KIAA1671: variants seen among roughly 807,000 people sequenced by gnomAD.
KIAA1671 encodes the protein uncharacterized protein KIAA1671.
KIAA1671 carries 52 observed loss-of-function variants against 131.2 expected under a neutral mutation model. The ratio of observed to expected loss-of-function variants is 0.40; its 90% confidence interval spans 0.32 to 0.50. The LOEUF (loss-of-function observed/expected upper bound fraction) is 0.50, where lower values mean the gene tolerates loss of function less well. KIAA1671 is among the 20% of genes least tolerant of loss of function. KIAA1671 has a pLI of 0.73. For synonymous variants in KIAA1671, 1,003 were observed against 961.6 expected, an observed-to-expected ratio of 1.04 and a Z score of -0.80; for missense variants, 2,360 against 2,364.2, an observed-to-expected ratio of 1.00 and a Z score of 0.04.
At chr22:25,191,235 G>A (rs545964945) in intron 12 of KIAA1671, among the ~76,000 whole-genome samples, 11 of 149,980 alleles carry the variant, frequency 7.3e-5, no homozygotes, top group Admixed American at 2.0e-4. Flanking sequence ...GGCTCATTGC[G>A]GCCTCTGCCT....
At chr22:25,093,430 CT>C (rs1601304391) in intron 6 of KIAA1671, among the ~76,000 whole-genome samples, 1 of 152,134 alleles carries the variant, frequency 6.6e-6, no homozygotes, top group East Asian at 1.9e-4. Context: ...CAATAGGTGC[CT>C]AAGGGACAGC....
chr22:25,003,400 ATTTTTTTTTTTTTTTT>A (rs71191013), intron 1 of KIAA1671, among the ~76,000 whole-genome samples: 1 of 113,842 alleles, frequency 8.8e-6, no homozygotes, highest in African/African-American at 4.2e-5. Context: ...ACTTGGAGAG[ATTTTTTTTTTTTTTTT>A]TTTTTTTTTT....
intron 1 of KIAA1671, among the ~76,000 whole-genome samples, chr22:25,005,972 G>T (rs1924728813): frequency 6.6e-6 from 1 of 152,214 alleles, no homozygotes. Context: ...TCGTGTGCCT[G>T]TGGAGTGCTT....
Position 25,029,117 on chromosome 22 carries a change from G to T in KIAA1671, c.1118G>T (p.Gly373Val). 1 of 1,467,984 alleles carries T rather than the reference G, an allele frequency of 6.8e-7. No individual in the cohort carries two copies. Among genetic ancestry groups the T allele is most frequent in the East Asian group, 2.5e-5 (1 of 40,276 alleles). The allele number at this position is 1,467,984 out of a possible 1,614,324, so 90.9% of individuals were successfully genotyped here. A position where few individuals can be genotyped will look rare whatever the true frequency, so the allele number is the denominator to read the frequency against. ...EMGSPRALVG[G>V]SSGVTPSNDQ... The stretch of plus-strand genomic sequence containing the variant: ...GGCAGCCCCAGAGCCCTGGTGGGGG[G>T]CTCATCTGGGGTCACCCCCAGCAAT... Residue 373 changes from glycine to valine, a missense_variant, in exon 3 of 13, where the codon GGC becomes GTC. By Grantham distance (109) the Gly-to-Val change is moderately radical (BLOSUM62 -3). This residue lies in a region of KIAA1671 where 1,185 missense variants were observed against 1,126.2 expected (regional missense o/e 1.05). Transcript: ENST00000358431.
chr22:25,159,977 C>T (rs1933380266), intron 6 of KIAA1671, among the ~76,000 whole-genome samples: 1 of 152,188 alleles, frequency 6.6e-6, no homozygotes, highest in African/African-American at 2.4e-5. Flanking sequence ...TAGGTGGGTG[C>T]ACCGCCAACA....
intron 6 of KIAA1671, among the ~76,000 whole-genome samples, chr22:25,120,356 C>A (rs1931873576): frequency 6.6e-6 from 1 of 152,228 alleles, no homozygotes; most frequent in Admixed American, 6.5e-5. Flanking sequence ...TTTTGGCTGG[C>A]CTCACCCAAT....
At chr22:25,044,612 A>G (rs1927122697) in intron 5 of KIAA1671, among the ~76,000 whole-genome samples, 1 of 142,768 alleles carries the variant, frequency 7.0e-6, no homozygotes, top group African/African-American at 2.7e-5. Context: ...TCTCCTGCCA[A>G]AAGATCTTTG....
rs200464891 is a variant in KIAA1671, at chr22:25,033,989, C to T, written c.1629+1293C>T. Among the ~76,000 whole-genome samples the T allele has an allele frequency of 3.8e-3, 584 of 151,692 alleles. 3 individuals are homozygous for T. Among genetic ancestry groups the T allele is most frequent in the African/African-American group, 0.014 (558 of 41,316 alleles). On this transcript the variant is annotated intron_variant, in intron 4 of 12. Coordinates refer to ENST00000358431, the MANE Select transcript of KIAA1671 (RefSeq NM_001145206.2). Reference sequence around the variant, plus strand: ...ATGTGTGTACAACCTGTGAAACCACCATCACAGTCAGAATAGCGAACATCT... The same window carrying T: ...ATGTGTGTACAACCTGTGAAACCACTATCACAGTCAGAATAGCGAACATCT...
intron 1 of KIAA1671, among the ~76,000 whole-genome samples, chr22:25,018,291 G>A (rs1462174440): frequency 6.6e-6 from 1 of 151,846 alleles, no homozygotes; most frequent in Admixed American, 6.6e-5. Flanking sequence ...ATAGAGATTC[G>A]CCTGAAGGGC....
At chr22:25,124,704 T>C (rs1214771947) in intron 6 of KIAA1671, among the ~76,000 whole-genome samples, 1 of 152,182 alleles carries the variant, frequency 6.6e-6, no homozygotes, top group Non-Finnish European at 1.5e-5. Flanking sequence ...ATTAGTCAGA[T>C]TAGAGTATGC....
chr22:25,138,048 C>T (rs113952939), intron 6 of KIAA1671, among the ~76,000 whole-genome samples: 264 of 152,310 alleles, frequency 1.7e-3, no homozygotes, highest in African/African-American at 6.1e-3. Context: ...AATTGTTTGC[C>T]TCTGTATCTG....
At position 25,191,522 on chromosome 22, in the gene KIAA1671, G is replaced by T. The variant is rs370475258; in HGVS notation, c.*4+738G>T. ...AACCTATGTAGTTAAAAATGAATTT[G>T]AAAAAATATACATTAAAAATTACGA... On this transcript the variant is annotated intron_variant, in intron 12 of 12. Coordinates refer to ENST00000358431, the MANE Select transcript of KIAA1671 (RefSeq NM_001145206.2). 2.0e-4 allele frequency among the ~76,000 whole-genome samples: 30 copies of T among 152,236 alleles called. No individual in the cohort carries two copies. The South Asian group carries it at 5.0e-3, about 25-fold the overall frequency.
intron 1 of KIAA1671, among the ~76,000 whole-genome samples, chr22:25,001,887 A>G (rs995297017): frequency 2.0e-5 from 3 of 152,084 alleles, no homozygotes; most frequent in Admixed American, 6.5e-5. Context: ...CAATTTCTAC[A>G]TTATGTAAAT....
intron 1 of KIAA1671, among the ~76,000 whole-genome samples, chr22:24,965,525 G>A (rs1922253558): frequency 6.6e-6 from 1 of 151,570 alleles, no homozygotes; most frequent in Non-Finnish European, 1.5e-5. Context: ...CAGATCACGA[G>A]GTCAGGAGTT....
intron 6 of KIAA1671, among the ~76,000 whole-genome samples, chr22:25,167,783 C>T (rs140031523): frequency 6.6e-6 from 1 of 152,258 alleles, no homozygotes; most frequent in Non-Finnish European, 1.5e-5. Flanking sequence ...TCCTTGTATA[C>T]ACCTCATTCA....
chr22:25,028,966 T>A lies in KIAA1671; in HGVS notation c.967T>A (p.Ser323Thr). The A allele has an allele frequency of 1.3e-6, 2 of 1,545,224 alleles. No homozygotes were observed. Among genetic ancestry groups the A allele is most frequent in the Non-Finnish European group, 8.7e-7 (1 of 1,144,180 alleles). Residue 323 changes from serine to threonine, a missense_variant, in exon 3 of 13, where the codon TCC becomes ACC. Physicochemically the swap from Ser to Thr is moderately conservative, Grantham distance 58. Coordinates refer to ENST00000358431, the MANE Select transcript of KIAA1671 (RefSeq NM_001145206.2). ...TGGGCTAGAGAGGCCCAGAGCAGCG[T>A]CCAAGCTGGACAGGGACTGTTTGGT... ...MAGLERPRAASKLDRDCLVKA... is the reference protein window; with the variant it reads ...MAGLERPRAATKLDRDCLVKA...
chr22:25,039,992 C>CA lies in KIAA1671; in HGVS notation c.2864dup (p.Asn955LysfsTer5), dbSNP rs1320383541. 1 of 1,551,016 alleles carries CA rather than the reference C, an allele frequency of 6.4e-7. No individual in the cohort carries two copies. The highest frequency in any genetic ancestry group is 8.7e-7 in the Non-Finnish European group (1 of 1,146,684). Reference sequence around the variant, plus strand: ...GATGGCGGCGGCGGACTTTACCCCCCAACGTGAAATTTGATACATTCAGTT... The same window carrying CA: ...GATGGCGGCGGCGGACTTTACCCCCCAAACGTGAAATTTGATACATTCAGTT... On this transcript the variant is annotated frameshift_variant, in exon 5 of 13. Transcript: ENST00000358431. LOFTEE classifies it high-confidence loss of function.
At position 25,095,740 on chromosome 22, in the gene KIAA1671, C is replaced by A. The variant is rs150359575; in HGVS notation, c.4530+46376C>A. On this transcript the variant is annotated intron_variant, in intron 6 of 12. Coordinates refer to ENST00000358431, the MANE Select transcript of KIAA1671 (RefSeq NM_001145206.2). The stretch of plus-strand genomic sequence containing the variant: ...GATGACTGCTAAGCCCCCCTAGATT[C>A]ATCCCCTTATGCCCAATCTCGCACA... Among the ~76,000 whole-genome samples, 356 of 152,332 alleles carry A rather than the reference C, an allele frequency of 2.3e-3. 3 individuals carry two copies. The highest frequency in any genetic ancestry group is 8.1e-3 in the African/African-American group (336 of 41,580).
At chr22:24,964,270 A>G (rs1922176444) in intron 1 of KIAA1671, among the ~76,000 whole-genome samples, 1 of 152,052 alleles carries the variant, frequency 6.6e-6, no homozygotes, top group Non-Finnish European at 1.5e-5. Flanking sequence ...CAGAGGTTGC[A>G]GTGAGCCAAG....
Sources: allele counts gnomAD v4.1 joint callset (sites outside exome capture counted in the v4.1 genomes callset), GRCh38; gene constraint gnomAD v4.1.1; regional missense constraint gnomAD v4.1.1; transcripts MANE v1.5; gene names NCBI Gene and HGNC (gene_info 2026-07-23, HGNC 2026-07-21).